The following NTN1 variants were observed in gnomAD, a reference collection of about 807,000 sequenced individuals.
NTN1 encodes the protein netrin-1.
Under a neutral mutation model 54.2 loss-of-function variants are expected in NTN1, and 11 were observed. The observed-to-expected ratio is 0.20, with a 90% confidence interval of 0.13 to 0.34. NTN1 has a LOEUF of 0.34. Among genes scored for constraint, NTN1 ranks in the 10% least tolerant of loss-of-function variants. The probability of loss-of-function intolerance (pLI) is 1.00; values close to 1 mark genes in which losing one functional copy is unlikely to be tolerated. For missense variants in NTN1, 740 were observed against 893.1 expected (o/e 0.83, Z 2.18); for synonymous variants, 371 against 382.0 (o/e 0.97, Z 0.33).
Position 9,243,408 on chromosome 17 carries a change from A to C in NTN1, c.*3440A>C, listed in dbSNP as rs904755635. ...CCCAGGTTGGAATGAGACTGAACTC[A>C]AGAAGAGACCCTAAGGGACTGGGGA... On this transcript the variant is annotated 3_prime_UTR_variant, in exon 7 of 7. Transcript: ENST00000173229. The C allele has an allele frequency of 6.8e-6, 1 of 146,186 alleles. No individual in the cohort carries two copies. Among genetic ancestry groups the C allele is most frequent in the African/African-American group, 2.5e-5 (1 of 40,484 alleles). The allele number at this position is 146,186 out of a possible 1,614,324, so 9.1% of individuals were successfully genotyped here.
intron 2 of NTN1, among the ~76,000 whole-genome samples, chr17:9,043,289 T>A (rs2091928852): frequency 6.6e-6 from 1 of 152,208 alleles, no homozygotes; most frequent in Admixed American, 6.5e-5. Context: ...TTTGATCATA[T>A]TTAATGAACA....
intron 2 of NTN1, among the ~76,000 whole-genome samples, chr17:9,036,088 TG>T (rs1460951104): frequency 6.6e-6 from 1 of 152,154 alleles, no homozygotes; most frequent in East Asian, 1.9e-4. Flanking sequence ...CTTGAATTCT[TG>T]GGCTCAAGGG....
intron 2 of NTN1, among the ~76,000 whole-genome samples, chr17:9,134,821 A>G (rs1357047603): frequency 6.6e-6 from 1 of 152,104 alleles, no homozygotes; most frequent in Non-Finnish European, 1.5e-5. Flanking sequence ...GTTGTTTTCT[A>G]GGTATTTGCA....
chr17:9,074,968 A>G (rs9913258), intron 2 of NTN1, among the ~76,000 whole-genome samples: 10,375 of 152,276 alleles, frequency 0.068, 1,043 homozygotes, highest in African/African-American at 0.22. Flanking sequence ...GGATGTGTGC[A>G]TGTGAGTGTG....
chr17:9,022,688 C>A lies in NTN1; in HGVS notation c.315C>A (p.Pro105=). Residue 105 remains proline, a synonymous_variant, in exon 2 of 7, where the codon CCC becomes CCA. Transcript: ENST00000173229. The part of the protein sequence containing the change: ...NASDPKKAHP[P]AFLTDLNNPH... ...CCGACCCCAAGAAGGCGCACCCGCCCGCCTTCCTCACCGACCTCAACAACC... is the reference window on the plus strand; with the variant it reads ...CCGACCCCAAGAAGGCGCACCCGCCAGCCTTCCTCACCGACCTCAACAACC... 3 of 1,589,600 alleles carry A rather than the reference C, an allele frequency of 1.9e-6. No homozygotes were observed. The highest frequency in any genetic ancestry group is 1.7e-6 in the Non-Finnish European group (2 of 1,169,394).
chr17:9,207,667 TCAGTAGTCTGAGA>T (rs1200370697), intron 5 of NTN1, among the ~76,000 whole-genome samples: 12 of 152,166 alleles, frequency 7.9e-5, no homozygotes, highest in South Asian at 2.1e-4. Flanking sequence ...CTGAAGCTCA[TCAGTAGTCTGAGA>T]CCATTGCCAC....
At chr17:9,044,252 T>G (rs2091933548) in intron 2 of NTN1, among the ~76,000 whole-genome samples, 1 of 151,482 alleles carries the variant, frequency 6.6e-6, no homozygotes, top group Non-Finnish European at 1.5e-5. Context: ...TTTTCCTTTT[T>G]GGGGCGGAGT....
At position 9,022,314 on chromosome 17, in the gene NTN1, C is replaced by T. The variant is rs1238446527; in HGVS notation, c.-60C>T. On this transcript the variant is annotated 5_prime_UTR_variant, in exon 2 of 7. Coordinates refer to ENST00000173229, the MANE Select transcript of NTN1 (RefSeq NM_004822.3). ...CGCAGCTCCCTTCTCTCCGCAGGCG[C>T]CTTCTGCGGCAGGCGGACAGATCCT... The T allele has an allele frequency of 7.9e-6, 10 of 1,261,268 alleles. No individual in the cohort carries two copies. Among genetic ancestry groups the T allele is most frequent in the Non-Finnish European group, 9.9e-6 (10 of 1,007,720 alleles). The allele number at this position is 1,261,268 out of a possible 1,614,324, so 78.1% of individuals were successfully genotyped here.
intron 1 of NTN1, among the ~76,000 whole-genome samples, chr17:9,022,100 C>T (rs981305948): frequency 1.3e-5 from 2 of 152,122 alleles, no homozygotes; most frequent in African/African-American, 4.8e-5. Flanking sequence ...GAGCGTTCTC[C>T]CGCCGGGCGG....
chr17:9,231,399 C>T (rs561017032), intron 6 of NTN1, among the ~76,000 whole-genome samples: 1 of 152,362 alleles, frequency 6.6e-6, no homozygotes, highest in African/African-American at 2.4e-5. Flanking sequence ...CAGCTCTGCC[C>T]CCACCCTGCT....
At chr17:9,154,864 C>T (rs1221948385) in intron 2 of NTN1, among the ~76,000 whole-genome samples, 1 of 152,208 alleles carries the variant, frequency 6.6e-6, no homozygotes, top group Non-Finnish European at 1.5e-5. Flanking sequence ...TGCCCCATCA[C>T]AGGCCCCTGC....
At chr17:9,145,989 A>G (rs1259596854) in intron 2 of NTN1, among the ~76,000 whole-genome samples, 1 of 151,926 alleles carries the variant, frequency 6.6e-6, no homozygotes, top group Non-Finnish European at 1.5e-5. Flanking sequence ...TTTCCATCCA[A>G]GCCTCTGCGG....
At chr17:9,152,933 A>AG (rs1478228015) in intron 2 of NTN1, among the ~76,000 whole-genome samples, 1 of 151,918 alleles carries the variant, frequency 6.6e-6, no homozygotes, top group Non-Finnish European at 1.5e-5. Flanking sequence ...CTTGCTTGTG[A>AG]GGTTGTAGCC....
At chr17:9,184,915 T>A (rs888411843) in intron 5 of NTN1, among the ~76,000 whole-genome samples, 1 of 152,264 alleles carries the variant, frequency 6.6e-6, no homozygotes, top group East Asian at 1.9e-4. Context: ...CAGCCTCCTT[T>A]TTTGAAATGT....
At chr17:9,223,087 C>G (rs1905417224) in intron 6 of NTN1, among the ~76,000 whole-genome samples, 1 of 152,188 alleles carries the variant, frequency 6.6e-6, no homozygotes, top group Non-Finnish European at 1.5e-5. Flanking sequence ...CTTCAGGGGT[C>G]TACAGTCAAT....
intron 5 of NTN1, among the ~76,000 whole-genome samples, chr17:9,190,649 C>T (rs952455857): frequency 2.0e-5 from 3 of 152,102 alleles, no homozygotes; most frequent in Admixed American, 6.5e-5. Flanking sequence ...GCCAGGACTT[C>T]GAGACCAGCC....
intron 2 of NTN1, among the ~76,000 whole-genome samples, chr17:9,123,162 T>A (rs1332184842): frequency 6.6e-6 from 1 of 152,116 alleles, no homozygotes. Context: ...AGAGTGTGAA[T>A]TTTTTTTCTT....
chr17:9,190,105 T>C (rs181320077), intron 5 of NTN1, among the ~76,000 whole-genome samples: 15 of 152,354 alleles, frequency 9.8e-5, no homozygotes, highest in Admixed American at 2.6e-4. Context: ...CTGTAGTAAG[T>C]ACTCAGTGAA....
At position 9,219,964 on chromosome 17, in the gene NTN1, C is replaced by T. The variant is rs1905294631; in HGVS notation, c.1412-1204C>T. On this transcript the variant is annotated intron_variant, in intron 5 of 6. Coordinates refer to ENST00000173229, the MANE Select transcript of NTN1 (RefSeq NM_004822.3). This position sits in a 1 kb window ranked among gnomAD's most constrained non-coding sequence, Gnocchi z 4.5. Reference sequence around the variant, plus strand: ...CCACTGCTTCTAGAACAGGCTGGGCCCCCTGCAGCTCCCTGCAGCTCCCCG... The same window carrying T: ...CCACTGCTTCTAGAACAGGCTGGGCTCCCTGCAGCTCCCTGCAGCTCCCCG... 6.6e-6 allele frequency among the ~76,000 whole-genome samples: 1 copy of T among 152,224 alleles called. No individual in the cohort carries two copies. Among genetic ancestry groups the T allele is most frequent in the South Asian group, 2.1e-4 (1 of 4,826 alleles).
Sources: gnomAD v4.1 joint callset for allele counts (sites outside exome capture counted in the v4.1 genomes callset) on GRCh38, gnomAD v4.1.1 for gene constraint, Gnocchi (gnomAD v3.1) non-coding constraint, MANE v1.5 for transcripts, NCBI Gene and HGNC (gene_info 2026-07-23, HGNC 2026-07-21) for gene names.